MAGI2: variants seen among roughly 807,000 people sequenced by gnomAD.
MAGI2 encodes the protein membrane-associated guanylate kinase, WW and PDZ domain-containing protein 2.
A neutral mutation model predicts 133.3 loss-of-function variants in MAGI2; 35 were observed. The ratio of observed to expected loss-of-function variants is 0.26; its 90% confidence interval spans 0.20 to 0.35. The LOEUF (loss-of-function observed/expected upper bound fraction) is 0.35. Ranked by LOEUF, MAGI2 falls within the 10% of genes least tolerant of loss-of-function variation. The pLI, the probability that MAGI2 is intolerant of heterozygous loss-of-function variation, is 1.00. For missense variants in MAGI2, 1,636 were observed against 1,863.4 expected (o/e 0.88, Z 2.25); for synonymous variants, 729 against 710.6 (o/e 1.03, Z -0.41).
intron 3 of MAGI2, chr7:78,618,620 C>G (rs1041861255): frequency 1.3e-5 from 2 of 151,778 alleles, no homozygotes; most frequent in African/African-American, 4.8e-5. Context: ...ATGGAGACAA[C>G]TGAAGTGTCA....
At chr7:78,788,266 A>G (rs1445373224) in intron 2 of MAGI2, among the ~76,000 whole-genome samples, 2 of 152,214 alleles carry the variant, frequency 1.3e-5, no homozygotes, top group African/African-American at 4.8e-5. Context: ...TTATATACTG[A>G]AAAAGAATTT....
intron 1 of MAGI2, among the ~76,000 whole-genome samples, chr7:79,389,093 A>G (rs991475131): frequency 6.6e-6 from 1 of 151,978 alleles, no homozygotes; most frequent in Admixed American, 6.6e-5. Context: ...AGATTTCTTG[A>G]GATGTTGTGG....
chr7:78,782,099 C>A (rs1315425077), intron 2 of MAGI2, among the ~76,000 whole-genome samples: 1 of 152,132 alleles, frequency 6.6e-6, no homozygotes, highest in Non-Finnish European at 1.5e-5. Context: ...AGGTTCATTT[C>A]TAATGAGGTG....
chr7:78,225,002 C>T (rs1199274936), intron 10 of MAGI2, among the ~76,000 whole-genome samples: 3 of 152,138 alleles, frequency 2.0e-5, no homozygotes, highest in Admixed American at 2.0e-4. Flanking sequence ...CTCCAACTTA[C>T]ACAGAATTGG....
In MAGI2 at chr7:78,592,724, C is replaced by G. The variant is rs111444666; in HGVS notation, c.538+34396G>C. 7.0e-3 allele frequency among the ~76,000 whole-genome samples: 1,067 copies of G among 151,924 alleles called. 16 individuals are homozygous for G. The highest frequency in any genetic ancestry group is 0.024 in the African/African-American group (997 of 41,384). On this transcript the variant is annotated intron_variant, in intron 3 of 21. Transcript: ENST00000354212. The stretch of plus-strand genomic sequence containing the variant: ...AACTGTCAGGGGAGGGAATGCGTGT[C>G]CATGATTTGGAGACCTGGGAAAGCA...
intron 7 of MAGI2, chr7:78,358,498 A>G (rs10267392): frequency 0.21 from 32,536 of 154,938 alleles, 3,928 homozygotes; most frequent in East Asian, 0.47. Context: ...CCCAAGGCCC[A>G]CCCGCCCCGC....
At chr7:79,149,750 A>G (rs983846) in intron 1 of MAGI2, among the ~76,000 whole-genome samples, 125,553 of 152,046 alleles carry the variant, frequency 0.83, 52,215 homozygotes, top group Non-Finnish European at 0.87. Context: ...TCATTGCCTC[A>G]TTTCAATTTA....
intron 2 of MAGI2, among the ~76,000 whole-genome samples, chr7:78,772,024 C>T (rs561640558): frequency 8.5e-5 from 13 of 152,214 alleles, no homozygotes; most frequent in Admixed American, 3.9e-4. Context: ...GCTAAGACCA[C>T]ACAGCACCCC....
chr7:79,029,803 A>G (rs1234905058), intron 1 of MAGI2, among the ~76,000 whole-genome samples: 1 of 152,276 alleles, frequency 6.6e-6, no homozygotes, highest in East Asian at 1.9e-4. Context: ...TTTACCAATA[A>G]TCAAACGAGT....
In MAGI2 at chr7:79,156,431, C is replaced by A. The variant is rs116971922; in HGVS notation, c.302-149225G>T. The stretch of plus-strand genomic sequence containing the variant: ...CCTTTTAAAAGGTCTGAATAGGAAA[C>A]CTTTGTCACCTATTGTCTCTAAGGG... On this transcript the variant is annotated intron_variant, in intron 1 of 21. Transcript: ENST00000354212. 6.2e-3 allele frequency among the ~76,000 whole-genome samples: 942 copies of A among 152,156 alleles called. 13 individuals are homozygous for A. Among genetic ancestry groups the A allele is most frequent in the African/African-American group, 0.022 (899 of 41,536 alleles).
intron 7 of MAGI2, chr7:78,359,308 T>G (rs535389986): frequency 6.6e-6 from 1 of 152,316 alleles, no homozygotes; most frequent in Non-Finnish European, 1.5e-5. Context: ...GAAAAAGTGC[T>G]TAGGGACAGC....
chr7:78,148,840 G>A (rs1823575799), intron 16 of MAGI2, among the ~76,000 whole-genome samples: 1 of 152,140 alleles, frequency 6.6e-6, no homozygotes, highest in South Asian at 2.1e-4. Flanking sequence ...GGTCATGAAA[G>A]GTCTTAATGT....
intron 1 of MAGI2, among the ~76,000 whole-genome samples, chr7:79,384,435 A>G (rs1488783937): frequency 1.4e-5 from 2 of 145,356 alleles, no homozygotes; most frequent in East Asian, 4.0e-4. Context: ...ACTTTTATAA[A>G]AGTATAAAAA....
At chr7:78,132,867 CA>C (rs1821714591) in intron 18 of MAGI2, 21 bp downstream of exon 18, 1 of 1,613,962 alleles carries the variant, frequency 6.2e-7, no homozygotes, top group African/African-American at 1.3e-5. Flanking sequence ...CTCAGAATCA[CA>C]AAAGTCAGAG....
At chr7:78,967,912 C>T (rs1301321841) in intron 2 of MAGI2, among the ~76,000 whole-genome samples, 3 of 152,086 alleles carry the variant, frequency 2.0e-5, no homozygotes, top group African/African-American at 7.2e-5. Context: ...CTCACTGTAA[C>T]TTCTGCCTCC....
At chr7:78,377,637 C>CA (rs61179085) in intron 6 of MAGI2, among the ~76,000 whole-genome samples, 122,314 of 149,738 alleles carry the variant, frequency 0.82, 50,015 homozygotes, top group Admixed American at 0.85. Flanking sequence ...AACTACTCTG[C>CA]AAAAAATAAT....
At chr7:78,591,187 G>A (rs957736282) in intron 3 of MAGI2, among the ~76,000 whole-genome samples, 4 of 152,154 alleles carry the variant, frequency 2.6e-5, no homozygotes, top group African/African-American at 9.7e-5. Context: ...AATGCTTTGG[G>A]AGATTTTACA....
intron 2 of MAGI2, among the ~76,000 whole-genome samples, chr7:78,873,389 C>T (rs1795186416): frequency 6.6e-6 from 1 of 152,076 alleles, no homozygotes; most frequent in Non-Finnish European, 1.5e-5. Flanking sequence ...TACTCCCTGA[C>T]CTCCATCTCC....
chr7:78,269,306 T>C (rs1794330635), intron 9 of MAGI2, among the ~76,000 whole-genome samples: 1 of 152,216 alleles, frequency 6.6e-6, no homozygotes, highest in Non-Finnish European at 1.5e-5. Flanking sequence ...CAACCAGTAA[T>C]GGGATTGTTG....
Sources: allele counts gnomAD v4.1 joint callset (sites outside exome capture counted in the v4.1 genomes callset), GRCh38; gene constraint gnomAD v4.1.1; transcripts MANE v1.5; gene names NCBI Gene and HGNC (gene_info 2026-07-23, HGNC 2026-07-21).